PDZD2: variants seen among roughly 807,000 people sequenced by gnomAD.
The protein encoded by PDZD2 is PDZ domain-containing protein 2.
A neutral mutation model predicts 220.7 loss-of-function variants in PDZD2; 90 were observed. The ratio of observed to expected loss-of-function variants is 0.41; its 90% CI spans 0.34 to 0.49. The LOEUF (loss-of-function observed/expected upper bound fraction) is 0.49, where lower values mean the gene tolerates loss of function less well. PDZD2 is among the 20% of genes least tolerant of loss of function. The pLI, the probability that PDZD2 is intolerant of heterozygous loss-of-function variation, is 0.28. For missense variants in PDZD2, 3,174 were observed against 3,608.5 expected, an observed-to-expected ratio of 0.88 and a Z score of 3.08; for synonymous variants, 1,375 against 1,450.5, an observed-to-expected ratio of 0.95 and a Z score of 1.18.
At chr5:31,728,421 GAGA>G (rs962267301) in intron 1 of PDZD2, among the ~76,000 whole-genome samples, 19 of 152,284 alleles carry the variant, frequency 1.2e-4, no homozygotes, top group East Asian at 7.7e-4. Flanking sequence ...AGGAGAAAAG[GAGA>G]AGGAGTGGCG....
At chr5:31,881,715 T>TATAC (rs1554088593) in intron 2 of PDZD2, among the ~76,000 whole-genome samples, 3 of 149,674 alleles carry the variant, frequency 2.0e-5, no homozygotes, top group Admixed American at 6.7e-5. Flanking sequence ...CATATATATA[T>TATAC]ACACACACAT....
At chr5:31,673,049 A>G (rs7706138) in intron 1 of PDZD2, among the ~76,000 whole-genome samples, 38,270 of 152,140 alleles carry the variant, frequency 0.25, 5,215 homozygotes, top group East Asian at 0.59. Flanking sequence ...CTACGGGGAA[A>G]GAAAAGTGGC....
intron 1 of PDZD2, among the ~76,000 whole-genome samples, chr5:31,778,051 T>A (rs6450862): frequency 1.3e-5 from 2 of 151,056 alleles, no homozygotes; most frequent in African/African-American, 4.9e-5. Flanking sequence ...CAGCATTCTG[T>A]GTCTAGCTAA....
chr5:31,725,531 AG>A, intron 1 of PDZD2: 1 of 1,365,588 alleles, frequency 7.3e-7, no homozygotes, highest in Non-Finnish European at 1.0e-6. Context: ...TTATACTACC[AG>A]GGGCCACTGG....
At chr5:31,651,101 A>G (rs372883423) in intron 1 of PDZD2, among the ~76,000 whole-genome samples, 1 of 148,672 alleles carries the variant, frequency 6.7e-6, no homozygotes, top group African/African-American at 2.5e-5. Flanking sequence ...AATAACTTCT[A>G]TCTTGAGAAT....
chr5:31,664,410 G>C (rs931116129), intron 1 of PDZD2, among the ~76,000 whole-genome samples: 7 of 151,844 alleles, frequency 4.6e-5, no homozygotes, highest in African/African-American at 1.7e-4. Flanking sequence ...ATACAGGCCA[G>C]GGCCATCACA....
At chr5:31,697,443 A>G (rs1747421477) in intron 1 of PDZD2, among the ~76,000 whole-genome samples, 1 of 152,222 alleles carries the variant, frequency 6.6e-6, no homozygotes, top group Non-Finnish European at 1.5e-5. Context: ...AGCCTGGGTA[A>G]CAGAGTGAGA....
chr5:31,887,766 C>A (rs1740646365), intron 2 of PDZD2, among the ~76,000 whole-genome samples: 1 of 151,920 alleles, frequency 6.6e-6, no homozygotes, highest in Non-Finnish European at 1.5e-5. Flanking sequence ...CCTGTGCATG[C>A]CCTGTGTCTC....
At chr5:31,893,958 A>C (rs1047630900) in intron 2 of PDZD2, among the ~76,000 whole-genome samples, 10 of 151,524 alleles carry the variant, frequency 6.6e-5, no homozygotes, top group Admixed American at 2.0e-4. Flanking sequence ...GCAATGGTGC[A>C]ATCTTGGCTC....
At position 31,890,531 on chromosome 5, in the gene PDZD2, C is replaced by G. The variant is rs573930801; in HGVS notation, c.476+90807C>G. ...CGTGGACTAATAAAAACAGCCGAGCCGGGCCTAGAGCCAGGGCCCCTTCTT... is the reference window on the plus strand; with the variant it reads ...CGTGGACTAATAAAAACAGCCGAGCGGGGCCTAGAGCCAGGGCCCCTTCTT... On this transcript the variant is annotated intron_variant, in intron 2 of 24. Transcript: ENST00000438447. Among the ~76,000 whole-genome samples the G allele has an allele frequency of 1.7e-3, 256 of 152,230 alleles. 1 individual carries two copies. Among genetic ancestry groups the G allele is most frequent in the African/African-American group, 5.9e-3 (246 of 41,540 alleles).
intron 2 of PDZD2, among the ~76,000 whole-genome samples, chr5:31,851,474 T>A (rs764463774): frequency 2.6e-5 from 4 of 152,230 alleles, no homozygotes; most frequent in Admixed American, 1.3e-4. Context: ...GTCATTTTGA[T>A]CATCACCCCT....
chr5:31,908,157 A>G (rs142374919), intron 2 of PDZD2, among the ~76,000 whole-genome samples: 223 of 151,438 alleles, frequency 1.5e-3, no homozygotes, highest in African/African-American at 5.2e-3. Context: ...ATCTTTATCC[A>G]TGTTGGAGAT....
chr5:31,940,890 C>G (rs1199357357), intron 2 of PDZD2, among the ~76,000 whole-genome samples: 1 of 152,192 alleles, frequency 6.6e-6, no homozygotes, highest in Non-Finnish European at 1.5e-5. Context: ...TTGTGTTTTT[C>G]CAAGGCTTGC....
At position 31,897,108 on chromosome 5, in the gene PDZD2, A is replaced by G. The variant is rs567386789; in HGVS notation, c.477-86047A>G. Reference sequence around the variant, plus strand: ...TTTTTTCTTTAAAATGTGTCTATACATCACTCGTGAAAAATAAAAGGTTAA... The same window carrying G: ...TTTTTTCTTTAAAATGTGTCTATACGTCACTCGTGAAAAATAAAAGGTTAA... On this transcript the variant is annotated intron_variant, in intron 2 of 24. Coordinates refer to ENST00000438447, the MANE Select transcript of PDZD2 (RefSeq NM_178140.4). Among the ~76,000 whole-genome samples the G allele has an allele frequency of 1.0e-3, 157 of 152,088 alleles. 1 individual carries two copies. Among genetic ancestry groups the G allele is most frequent in the Admixed American group, 2.6e-3 (39 of 15,268 alleles).
intron 1 of PDZD2, among the ~76,000 whole-genome samples, chr5:31,731,774 C>A (rs2150157042): frequency 6.6e-6 from 1 of 152,286 alleles, no homozygotes; most frequent in African/African-American, 2.4e-5. Context: ...CTGTTTCTAC[C>A]TTTTGACTAC....
chr5:31,777,981 G>T (rs574419282), intron 1 of PDZD2, among the ~76,000 whole-genome samples: 6 of 145,448 alleles, frequency 4.1e-5, no homozygotes, highest in Non-Finnish European at 7.5e-5. Context: ...TCTAGCTGTA[G>T]GATTATAAAT....
At chr5:31,684,962 G>A (rs1746792477) in intron 1 of PDZD2, among the ~76,000 whole-genome samples, 1 of 152,160 alleles carries the variant, frequency 6.6e-6, no homozygotes, top group African/African-American at 2.4e-5. Flanking sequence ...TTTAAGGGTA[G>A]AATCTTTATC....
rs1745778573 is a variant in PDZD2, at chr5:31,661,803, T to TTTTC, written c.-361+22369_-361+22370insCTTT. Among the ~76,000 whole-genome samples, 4 of 128,044 alleles carry TTTTC rather than the reference T, an allele frequency of 3.1e-5. No individual in the cohort carries two copies. The Admixed American group carries it at 3.3e-4, about 10-fold the overall frequency. 84.0% of individuals were successfully genotyped at this position (128,044 alleles called of 152,430 possible). ...TCCCTTGGTTTTTTTTTTTTTTCTT[T>TTTTC]TTTTTTCATCAGAGATATTCAGGGG... On this transcript the variant is annotated intron_variant, in intron 1 of 24. Coordinates refer to ENST00000438447, the MANE Select transcript of PDZD2 (RefSeq NM_178140.4).
At chr5:31,777,506 G>A (rs530839627) in intron 1 of PDZD2, among the ~76,000 whole-genome samples, 46 of 152,348 alleles carry the variant, frequency 3.0e-4, no homozygotes, top group Non-Finnish European at 5.3e-4. Flanking sequence ...GTGCAGGTGC[G>A]TGGCATGGGA....
Sources: gnomAD v4.1 joint callset for allele counts (sites outside exome capture counted in the v4.1 genomes callset) on GRCh38, gnomAD v4.1.1 for gene constraint, MANE v1.5 for transcripts, NCBI Gene and HGNC (gene_info 2026-07-23, HGNC 2026-07-21) for gene names.